LRRC4B: variants seen among roughly 807,000 people sequenced by gnomAD.
LRRC4B encodes leucine-rich repeat-containing protein 4B.
Under a neutral mutation model 7.3 loss-of-function variants are expected in LRRC4B, and 1 was observed. The observed-to-expected ratio is 0.14, with a 90% CI of 0.05 to 0.65. The LOEUF is 0.65. LRRC4B is among the 30% of genes least tolerant of loss of function. LRRC4B has a pLI of 0.84. For missense variants in LRRC4B, 730 were observed against 1,041.6 expected (o/e 0.70, Z 4.12); for synonymous variants, 500 against 499.2 (o/e 1.00, Z -0.02).
rs1442011097 is a variant in LRRC4B at position 50,537,198 on chromosome 19, C to G, written c.297+11344G>C. 6.6e-6 allele frequency among the ~76,000 whole-genome samples: 1 copy of G among 152,192 alleles called. No homozygotes were observed. The highest frequency in any genetic ancestry group is 2.4e-5 in the African/African-American group (1 of 41,446). The stretch of plus-strand genomic sequence containing the variant: ...TGAAAAAACCAAGTTCTGCAGCCAG[C>G]CTGCCTGGGCCGAGTCCCAGCTCCG... On this transcript the variant is annotated intron_variant, in intron 2 of 2. Transcript: ENST00000652263. This position sits in a 1 kb window ranked among gnomAD's most constrained non-coding sequence, Gnocchi z 5.5.
chr19:50,519,023 G>T lies in LRRC4B; in HGVS notation c.690C>A (p.Arg230=). 6.2e-7 allele frequency: 1 copy of T among 1,611,570 alleles called. No homozygotes were observed. The highest frequency in any genetic ancestry group is 8.5e-7 in the Non-Finnish European group (1 of 1,179,782). Residue 230 remains arginine (R), a synonymous_variant, in exon 3 of 3, where the codon CGC becomes CGA. Coordinates refer to ENST00000652263, the MANE Select transcript of LRRC4B (RefSeq NM_001080457.2). This position sits in a 1 kb window ranked among gnomAD's most constrained non-coding sequence, Gnocchi z 8.1. ...TGCCCGACAGCTCCAGCTCCTCCAG[G>T]CGCACCAGGGCCGTCAGGTTGGGGA... ...KDIPNLTALV[R]LEELELSGNR...
At chr19:50,566,314 G>A (rs1982626468) in intron 1 of LRRC4B, among the ~76,000 whole-genome samples, 1 of 151,912 alleles carries the variant, frequency 6.6e-6, no homozygotes, top group Non-Finnish European at 1.5e-5. Flanking sequence ...TGGGATGTGA[G>A]GCGCATAGCA....
Position 50,519,489 on chromosome 19 carries a change from C to T in LRRC4B, c.298-74G>A. The T allele has an allele frequency of 3.4e-6, 5 of 1,461,026 alleles. No individual in the cohort carries two copies. In the South Asian group the frequency reaches 7.0e-5, roughly 20 times the overall value. 90.5% of individuals were successfully genotyped at this position (1,461,026 alleles called of 1,614,324 possible). On this transcript the variant is annotated intron_variant, in intron 2 of 2. Coordinates refer to ENST00000652263, the MANE Select transcript of LRRC4B (RefSeq NM_001080457.2). The surrounding 1 kb of genome is among the most constrained non-coding windows in gnomAD (Gnocchi z 8.1). The stretch of plus-strand genomic sequence containing the variant: ...GTGGGGGGATCACCAAGGTCCCGGG[C>T]GCAGGTGGGGCCGTGTGGCTGGATC...
rs945890326 is a variant in LRRC4B at position 50,555,703 on chromosome 19, G to A, written c.-35-6830C>T. Reference sequence around the variant, plus strand: ...GGCAGATGGCAGATCGGAAACTCGGGGACCCAGGAGAGGCGGGGTGAGGAG... The same window carrying A: ...GGCAGATGGCAGATCGGAAACTCGGAGACCCAGGAGAGGCGGGGTGAGGAG... On this transcript the variant is annotated intron_variant, in intron 1 of 2. Coordinates refer to ENST00000652263, the MANE Select transcript of LRRC4B (RefSeq NM_001080457.2). The surrounding 1 kb of genome is among the most constrained non-coding windows in gnomAD (Gnocchi z 5.2). 2.4e-4 allele frequency: 36 copies of A among 152,500 alleles called. No homozygotes were observed. The highest frequency in any genetic ancestry group is 7.9e-4 in the African/African-American group (33 of 41,542). 9.4% of individuals were successfully genotyped at this position (152,500 alleles called of 1,614,324 possible). A position where few individuals can be genotyped will look rare whatever the true frequency, so the allele number is the denominator to read the frequency against.
intron 1 of LRRC4B, among the ~76,000 whole-genome samples, chr19:50,561,425 G>A (rs1982458175): frequency 6.6e-6 from 1 of 151,958 alleles, no homozygotes; most frequent in South Asian, 2.1e-4. Flanking sequence ...AGTTATAGCA[G>A]CTTCAATGCC....
chr19:50,554,030 G>A lies in LRRC4B; in HGVS notation c.-35-5157C>T, dbSNP rs577806320. ...TTTTTTTGAGACAGAGTCTCACTCT[G>A]TTGCCCAGGCTGGAGTGCAGTGGCG... On this transcript the variant is annotated intron_variant, in intron 1 of 2. Transcript: ENST00000652263. Among the ~76,000 whole-genome samples, 20 of 129,268 alleles carry A rather than the reference G, an allele frequency of 1.5e-4. No homozygotes were observed. In the South Asian group the frequency reaches 4.5e-3, roughly 29 times the overall value. The allele number at this position is 129,268 out of a possible 152,430, so 84.8% of individuals were successfully genotyped here. A position where few individuals can be genotyped will look rare whatever the true frequency, so the allele number is the denominator to read the frequency against.
In LRRC4B at chr19:50,519,931, A is replaced by C. The variant is rs1055843854; in HGVS notation, c.298-516T>G. Among the ~76,000 whole-genome samples, 2 of 151,872 alleles carry C rather than the reference A, an allele frequency of 1.3e-5. No individual in the cohort carries two copies. The highest frequency in any genetic ancestry group is 4.8e-5 in the African/African-American group (2 of 41,322). ...GGGGGACCAAGCACAGGGGTGGCTC[A>C]TGCCTGTAATCCCAGCACTTTGGGA... is the stretch of plus-strand genomic sequence containing the variant. On this transcript the variant is annotated intron_variant, in intron 2 of 2. Transcript: ENST00000652263. The surrounding 1 kb of genome is among the most constrained non-coding windows in gnomAD (Gnocchi z 8.1).
rs1272588012 is a variant in LRRC4B at position 50,553,095 on chromosome 19, C to A, written c.-35-4222G>T. 6.6e-6 allele frequency among the ~76,000 whole-genome samples: 1 copy of A among 152,192 alleles called. No homozygotes were observed. ...TCCTTGGTAAAGAGTTCTGTCTTCACAACATATGCGGAATCAGACCCCAGA... is the reference window on the plus strand; with the variant it reads ...TCCTTGGTAAAGAGTTCTGTCTTCAAAACATATGCGGAATCAGACCCCAGA... On this transcript the variant is annotated intron_variant, in intron 1 of 2. Coordinates refer to ENST00000652263, the MANE Select transcript of LRRC4B (RefSeq NM_001080457.2). The surrounding 1 kb of genome is among the most constrained non-coding windows in gnomAD (Gnocchi z 4.2).
intron 1 of LRRC4B, among the ~76,000 whole-genome samples, chr19:50,566,413 C>T (rs1982630248): frequency 6.6e-6 from 1 of 151,478 alleles, no homozygotes; most frequent in South Asian, 2.1e-4. Context: ...CTCCCTTCCC[C>T]CTCCCCCTTC....
At position 50,538,559 on chromosome 19, in the gene LRRC4B, G is replaced by GTTTTT. The variant is rs71886675; in HGVS notation, c.297+9978_297+9982dup. Among the ~76,000 whole-genome samples the GTTTTT allele has an allele frequency of 2.3e-4, 21 of 90,344 alleles. 1 individual carries two copies. The highest frequency in any genetic ancestry group is 4.5e-4 in the Non-Finnish European group (19 of 42,660). The allele number at this position is 90,344 out of a possible 152,430, so 59.3% of individuals were successfully genotyped here. ...ATTTGGTTAGTTTGGGTTTTGTCTT[G>GTTTTT]TTTTTTTTTTTTTTTTTTTTTTTTT... On this transcript the variant is annotated intron_variant, in intron 2 of 2. Coordinates refer to ENST00000652263, the MANE Select transcript of LRRC4B (RefSeq NM_001080457.2).
chr19:50,521,941 C>T (rs56152358), intron 2 of LRRC4B, among the ~76,000 whole-genome samples: 11 of 152,042 alleles, frequency 7.2e-5, no homozygotes, highest in Non-Finnish European at 1.3e-4. Context: ...TTTGGGAGGC[C>T]GAGGTGGGAG....
At position 50,518,789 on chromosome 19, in the gene LRRC4B, G is replaced by A. The variant is rs1249166401; in HGVS notation, c.924C>T (p.Leu308=). 2 of 1,614,108 alleles carry A rather than the reference G, an allele frequency of 1.2e-6. No homozygotes were observed. The highest frequency in any genetic ancestry group is 1.1e-5 in the South Asian group (1 of 91,088). The change falls in exon 3 of 3, where the codon CTC becomes CTT. Residue 308 remains leucine, a synonymous_variant. Coordinates refer to ENST00000652263, the MANE Select transcript of LRRC4B (RefSeq NM_001080457.2). ...TPLHRLERVH[L]NHNPWHCNCD... is the part of the protein sequence containing the mutation. Reference sequence around the variant, plus strand: ...AGTTGCAATGCCAGGGGTTGTGGTTGAGGTGCACGCGCTCGAGGCGGTGCA... The same window carrying A: ...AGTTGCAATGCCAGGGGTTGTGGTTAAGGTGCACGCGCTCGAGGCGGTGCA...
intron 2 of LRRC4B, among the ~76,000 whole-genome samples, chr19:50,542,160 G>A (rs1328442250): frequency 2.0e-5 from 3 of 152,206 alleles, no homozygotes; most frequent in Non-Finnish European, 2.9e-5. Flanking sequence ...AGGGTAAGGC[G>A]GGGATATGAG....
At chr19:50,534,118 T>G (rs1277727488) in intron 2 of LRRC4B, among the ~76,000 whole-genome samples, 2 of 152,058 alleles carry the variant, frequency 1.3e-5, no homozygotes, top group Non-Finnish European at 2.9e-5. Context: ...GGGATCCAGC[T>G]GTGGACAAGA....
intron 2 of LRRC4B, among the ~76,000 whole-genome samples, chr19:50,530,575 G>A (rs897458972): frequency 6.6e-6 from 1 of 152,192 alleles, no homozygotes. Flanking sequence ...AGGTGCAGAG[G>A]TGGAGAGGGG....
chr19:50,538,559 G>GTTTTTTTTTTTTT (rs71886675), intron 2 of LRRC4B, among the ~76,000 whole-genome samples: 1 of 90,324 alleles, frequency 1.1e-5, no homozygotes, highest in Non-Finnish European at 2.3e-5. Flanking sequence ...GTTTTGTCTT[G>GTTTTTTTTTTTTT]TTTTTTTTTT....
chr19:50,567,554 T>C (rs1269825482), intron 1 of LRRC4B, among the ~76,000 whole-genome samples: 2 of 150,268 alleles, frequency 1.3e-5, no homozygotes, highest in African/African-American at 4.9e-5. Context: ...GGAGGGGCCA[T>C]GGGGAGAGGA....
At chr19:50,551,278 A>G (rs1157156136) in intron 1 of LRRC4B, among the ~76,000 whole-genome samples, 1 of 144,638 alleles carries the variant, frequency 6.9e-6, no homozygotes, top group South Asian at 2.2e-4. Context: ...CTGCCTCCCC[A>G]GTTCTCCAGG....
At chr19:50,546,388 G>T (rs956322707) in intron 2 of LRRC4B, among the ~76,000 whole-genome samples, 1 of 152,178 alleles carries the variant, frequency 6.6e-6, no homozygotes, top group African/African-American at 2.4e-5. Flanking sequence ...TACCCTCGAC[G>T]TGGTCCATGC....
Sources: gnomAD v4.1 joint callset for allele counts (sites outside exome capture counted in the v4.1 genomes callset) on GRCh38, gnomAD v4.1.1 for gene constraint, Gnocchi (gnomAD v3.1) non-coding constraint, MANE v1.5 for transcripts, NCBI Gene and HGNC (gene_info 2026-07-23, HGNC 2026-07-21) for gene names.